The following TTC28 variants were observed in gnomAD, a reference collection of about 807,000 sequenced individuals.
TTC28 encodes the protein tetratricopeptide repeat protein 28.
TTC28 carries 61 observed loss-of-function variants against 198.0 expected under a neutral mutation model. The observed-to-expected ratio is 0.31, with a 90% CI of 0.25 to 0.38. The LOEUF is 0.38. TTC28 is among the 10% of genes least tolerant of loss of function. The pLI, the probability that TTC28 is intolerant of heterozygous loss-of-function variation, is 1.00. For synonymous variants in TTC28, 1,171 were observed against 1,297.8 expected (o/e 0.90, Z 2.10); for missense variants, 2,678 against 3,164.0 (o/e 0.85, Z 3.69).
intron 2 of TTC28, 23 bp from the exon 3 acceptor site, chr22:28,306,666 A>C: frequency 3.9e-6 from 6 of 1,550,284 alleles, no homozygotes; most frequent in Non-Finnish European, 5.2e-6. Context: ...GATATATAAG[A>C]TATATAATGC....
At chr22:28,656,927 A>C (rs961773898) in intron 1 of TTC28, among the ~76,000 whole-genome samples, 2 of 152,144 alleles carry the variant, frequency 1.3e-5, no homozygotes, top group African/African-American at 2.4e-5. Flanking sequence ...ACAAAAAAAA[A>C]CAGTATCTAA....
chr22:28,289,882 G>C (rs759100843), intron 5 of TTC28, among the ~76,000 whole-genome samples: 6 of 152,016 alleles, frequency 3.9e-5, no homozygotes, highest in Non-Finnish European at 1.5e-5. Flanking sequence ...AAATTAGCTG[G>C]GCGTGGTGGT....
intron 2 of TTC28, among the ~76,000 whole-genome samples, chr22:28,531,651 A>G (rs1346961083): frequency 6.6e-6 from 1 of 152,228 alleles, no homozygotes; most frequent in Non-Finnish European, 1.5e-5. Flanking sequence ...TTGACCACAT[A>G]GTTGGAAGTA....
At chr22:28,137,352 A>G (rs1228704801) in intron 6 of TTC28, among the ~76,000 whole-genome samples, 3 of 152,148 alleles carry the variant, frequency 2.0e-5, no homozygotes, top group Non-Finnish European at 2.9e-5. Flanking sequence ...ACAACTGTCC[A>G]AAGAGTGCCA....
At chr22:28,225,843 T>C (rs55891322) in intron 5 of TTC28, among the ~76,000 whole-genome samples, 1,944 of 152,308 alleles carry the variant, frequency 0.013, 45 homozygotes, top group African/African-American at 0.044. Flanking sequence ...TGCCTAAAGA[T>C]TAGTTTGCAT....
intron 6 of TTC28, among the ~76,000 whole-genome samples, chr22:28,152,874 A>C (rs753797033): frequency 2.6e-5 from 4 of 152,216 alleles, no homozygotes; most frequent in Non-Finnish European, 5.9e-5. Context: ...AAAATGTAAA[A>C]AACATTAAAG....
Position 28,625,891 on chromosome 22 carries a change from T to C in TTC28, c.381+3661A>G, listed in dbSNP as rs151307713. 5.9e-3 allele frequency among the ~76,000 whole-genome samples: 891 copies of C among 152,276 alleles called. 6 individuals are homozygous for C. Among genetic ancestry groups the C allele is most frequent in the African/African-American group, 0.021 (858 of 41,574 alleles). On this transcript the variant is annotated intron_variant, in intron 2 of 22. Coordinates refer to ENST00000397906, the MANE Select transcript of TTC28 (RefSeq NM_001145418.2). ...GAATCTAGTAATAACTCCATACTTA[T>C]ATGGTCAAATGGTTTGTGACAAAGG...
At chr22:28,657,704 C>G (rs113048380) in intron 1 of TTC28, among the ~76,000 whole-genome samples, 2,589 of 152,220 alleles carry the variant, frequency 0.017, 71 homozygotes, top group African/African-American at 0.06. Flanking sequence ...CATGGTGAAA[C>G]CCCATCTCTA....
chr22:28,613,316 C>T (rs548274669), intron 2 of TTC28, among the ~76,000 whole-genome samples: 6 of 152,134 alleles, frequency 3.9e-5, no homozygotes, highest in African/African-American at 1.4e-4. Flanking sequence ...AATAGCCTAC[C>T]AACCAAAAAA....
intron 5 of TTC28, among the ~76,000 whole-genome samples, chr22:28,292,292 A>G (rs1378934701): frequency 6.6e-6 from 1 of 152,146 alleles, no homozygotes; most frequent in East Asian, 1.9e-4. Context: ...GGCTCAAGCA[A>G]TCCTCTCACC....
intron 13 of TTC28, among the ~76,000 whole-genome samples, chr22:28,019,235 G>C (rs1295795058): frequency 3.3e-5 from 5 of 152,088 alleles, no homozygotes; most frequent in Non-Finnish European, 5.9e-5. Flanking sequence ...GTTCTTGTAG[G>C]GCCTCTTCTA....
intron 2 of TTC28, among the ~76,000 whole-genome samples, chr22:28,454,260 T>A (rs1359494601): frequency 2.0e-5 from 3 of 152,242 alleles, no homozygotes; most frequent in Non-Finnish European, 4.4e-5. Context: ...CAATAGCTTA[T>A]AAGCTCTAAG....
chr22:28,096,309 G>T lies in TTC28; in HGVS notation c.3647C>A (p.Pro1216His). Residue 1216 changes from proline (P) to histidine (H), a missense_variant, in exon 11 of 23, where the codon CCC (proline) becomes CAC (histidine). Physicochemically the swap from Pro to His is moderately conservative, Grantham distance 77. Coordinates refer to ENST00000397906, the MANE Select transcript of TTC28 (RefSeq NM_001145418.2). Reference protein sequence around the residue: ...ERQTGQQDSDPYSPVTIDQIL... With the variant: ...ERQTGQQDSDHYSPVTIDQIL... ...CTGATCAATAGTGACTGGGGAGTAG[G>T]GGTCGGAGTCTTGTTGTCCTGTTTG... 4 of 1,551,944 alleles carry T rather than the reference G, an allele frequency of 2.6e-6. No homozygotes were observed. Among genetic ancestry groups the T allele is most frequent in the Non-Finnish European group, 2.6e-6 (3 of 1,147,030 alleles).
chr22:28,671,394 G>A (rs912824212), intron 1 of TTC28, among the ~76,000 whole-genome samples: 2 of 151,848 alleles, frequency 1.3e-5, no homozygotes, highest in Non-Finnish European at 2.9e-5. Context: ...CCAGCACTTT[G>A]GGAGACCAAG....
chr22:28,543,511 TAAAAAGAGAGAAAGAA>T (rs1360229820), intron 2 of TTC28, among the ~76,000 whole-genome samples: 2 of 136,424 alleles, frequency 1.5e-5, no homozygotes, highest in Admixed American at 1.5e-4. Context: ...GGAAGAAGAA[TAAAAAGAGAGAAAGAA>T]AAGAAGAGAG....
At chr22:28,432,778 T>C (rs973797139) in intron 2 of TTC28, among the ~76,000 whole-genome samples, 3 of 152,266 alleles carry the variant, frequency 2.0e-5, no homozygotes, top group Non-Finnish European at 4.4e-5. Flanking sequence ...CATTAATTTT[T>C]CTTCCCTTCT....
intron 2 of TTC28, among the ~76,000 whole-genome samples, chr22:28,579,354 A>G (rs2050198888): frequency 6.7e-6 from 1 of 149,492 alleles, no homozygotes; most frequent in African/African-American, 2.4e-5. Context: ...TATATACATA[A>G]CTATACATAT....
intron 12 of TTC28, among the ~76,000 whole-genome samples, chr22:28,084,936 T>C (rs1347620878): frequency 6.6e-6 from 1 of 151,812 alleles, no homozygotes; most frequent in Non-Finnish European, 1.5e-5. Flanking sequence ...ATGAATCAAA[T>C]GAAACGTGAA....
At chr22:28,123,495 GA>G (rs1942841628) in intron 6 of TTC28, among the ~76,000 whole-genome samples, 1 of 152,124 alleles carries the variant, frequency 6.6e-6, no homozygotes, top group African/African-American at 2.4e-5. Flanking sequence ...GACCTCAGGT[GA>G]TCTGCCCGCC....
Sources: gnomAD v4.1 joint callset for allele counts (sites outside exome capture counted in the v4.1 genomes callset) on GRCh38, gnomAD v4.1.1 for gene constraint, MANE v1.5 for transcripts, NCBI Gene and HGNC (gene_info 2026-07-23, HGNC 2026-07-21) for gene names.